The following SNX29 variants were observed in gnomAD, a reference collection of about 807,000 sequenced individuals.
SNX29 encodes sorting nexin 29.
In SNX29, 78 loss-of-function variants were observed where a neutral mutation model predicts 102.1. The ratio of observed to expected loss-of-function variants is 0.76; its 90% CI spans 0.64 to 0.92. The LOEUF is 0.92. SNX29 is among the 40% of genes least tolerant of loss of function. SNX29 has a pLI of 0.00. For missense variants in SNX29, 1,280 were observed against 1,061.7 expected (o/e 1.21, Z -2.86); for synonymous variants, 580 against 414.5 (o/e 1.40, Z -4.85).
chr16:12,233,068 C>T (rs1354961412), intron 14 of SNX29, among the ~76,000 whole-genome samples: 4 of 152,236 alleles, frequency 2.6e-5, no homozygotes, highest in Middle Eastern at 3.4e-3. Context: ...GCTGGAAATG[C>T]CTTCCTCTTT....
chr16:12,036,373 T>C (rs1441655595), intron 4 of SNX29, among the ~76,000 whole-genome samples: 10 of 148,754 alleles, frequency 6.7e-5, no homozygotes, highest in Admixed American at 6.1e-4. Flanking sequence ...CTTGCTCTGT[T>C]GCCCAGGCTG....
intron 13 of SNX29, among the ~76,000 whole-genome samples, chr16:12,159,720 A>G (rs1251033747): frequency 6.6e-6 from 1 of 152,194 alleles, no homozygotes; most frequent in East Asian, 1.9e-4. Flanking sequence ...ATTTAGAAAT[A>G]AAAATATAAA....
At chr16:12,250,535 T>G (rs2078390931) in intron 14 of SNX29, among the ~76,000 whole-genome samples, 1 of 152,220 alleles carries the variant, frequency 6.6e-6, no homozygotes, top group South Asian at 2.1e-4. Context: ...CTTACCCACT[T>G]ACCTCTCACT....
At chr16:12,362,876 C>T (rs1313667685) in intron 16 of SNX29, among the ~76,000 whole-genome samples, 1 of 152,098 alleles carries the variant, frequency 6.6e-6, no homozygotes, top group Non-Finnish European at 1.5e-5. Context: ...TCTTTCTGCT[C>T]CCTTTGGGTT....
At chr16:12,138,483 T>C (rs537733214) in intron 13 of SNX29, among the ~76,000 whole-genome samples, 3 of 152,202 alleles carry the variant, frequency 2.0e-5, no homozygotes, top group South Asian at 4.1e-4. Flanking sequence ...GCTGGGCTTA[T>C]AGGCGTGAGC....
chr16:12,566,423 G>A (rs1473364761), intron 20 of SNX29, among the ~76,000 whole-genome samples: 1 of 41,260 alleles, frequency 2.4e-5, no homozygotes, highest in South Asian at 5.3e-4. Context: ...TACCTCCAGG[G>A]CCTCTCCCCC....
chr16:12,462,043 A>T (rs1175050807), intron 18 of SNX29, among the ~76,000 whole-genome samples: 4 of 126,650 alleles, frequency 3.2e-5, no homozygotes, highest in Admixed American at 8.5e-5. Context: ...ACACACACAC[A>T]CTCTTATATA....
chr16:12,065,983 C>T (rs1453374066), intron 9 of SNX29, among the ~76,000 whole-genome samples: 1 of 152,192 alleles, frequency 6.6e-6, no homozygotes, highest in Admixed American at 6.6e-5. Flanking sequence ...ACGGTCTATG[C>T]TGTGTGCACC....
In SNX29 at chr16:12,190,159, A is replaced by C. The variant is rs965267920; in HGVS notation, c.1596-9442A>C. Among the ~76,000 whole-genome samples the C allele has an allele frequency of 2.6e-5, 4 of 152,048 alleles. No individual in the cohort carries two copies. In the East Asian group the frequency reaches 7.7e-4, roughly 29 times the overall value. On this transcript the variant is annotated intron_variant, in intron 13 of 20. Transcript: ENST00000566228. Reference sequence around the variant, plus strand: ...CTCCTCTGCTCTCTTCATTATAGAGATCCTCCATCCTCTGACCACATCTGG... The same window carrying C: ...CTCCTCTGCTCTCTTCATTATAGAGCTCCTCCATCCTCTGACCACATCTGG...
chr16:12,455,620 A>G (rs1266595587), intron 18 of SNX29, among the ~76,000 whole-genome samples: 2 of 152,162 alleles, frequency 1.3e-5, no homozygotes, highest in Non-Finnish European at 2.9e-5. Flanking sequence ...TTTCGCTGCT[A>G]TGAGTGTCGG....
intron 20 of SNX29, among the ~76,000 whole-genome samples, chr16:12,547,521 GAA>G (rs1249900071): frequency 6.6e-6 from 1 of 152,098 alleles, no homozygotes; most frequent in African/African-American, 2.4e-5. Context: ...GGGTGTGAGA[GAA>G]AGAGGAACTG....
At chr16:12,562,297 G>C (rs1237243805) in intron 20 of SNX29, among the ~76,000 whole-genome samples, 3 of 152,164 alleles carry the variant, frequency 2.0e-5, no homozygotes, top group Admixed American at 6.5e-5. Context: ...AGCATCAAAC[G>C]TTATCGTTGG....
At chr16:12,153,971 G>A (rs11643074) in intron 13 of SNX29, among the ~76,000 whole-genome samples, 33,785 of 152,122 alleles carry the variant, frequency 0.22, 3,916 homozygotes, top group East Asian at 0.44. Flanking sequence ...GTGTCCTCCC[G>A]CTTTGAAAGT....
At chr16:12,046,964 A>G (rs1260672096) in intron 6 of SNX29, among the ~76,000 whole-genome samples, 1 of 152,154 alleles carries the variant, frequency 6.6e-6, no homozygotes, top group Non-Finnish European at 1.5e-5. Flanking sequence ...CTGGCAGAGA[A>G]AGTGAAGATT....
At chr16:12,274,433 CT>C (rs1366225463) in intron 14 of SNX29, among the ~76,000 whole-genome samples, 1 of 152,144 alleles carries the variant, frequency 6.6e-6, no homozygotes, top group Non-Finnish European at 1.5e-5. Flanking sequence ...CCCCTCGTGT[CT>C]GTTGGCTCTG....
chr16:12,398,221 A>G (rs1365496224), intron 16 of SNX29, among the ~76,000 whole-genome samples: 1 of 152,202 alleles, frequency 6.6e-6, no homozygotes, highest in African/African-American at 2.4e-5. Context: ...CCTTGGCCAT[A>G]AAGATAATTG....
At chr16:12,226,579 T>TTG (rs1345236438) in intron 14 of SNX29, among the ~76,000 whole-genome samples, 1 of 150,254 alleles carries the variant, frequency 6.7e-6, no homozygotes, top group Non-Finnish European at 1.5e-5. Flanking sequence ...GCCTTCTTTT[T>TTG]TTTTTTTTTT....
intron 4 of SNX29, among the ~76,000 whole-genome samples, chr16:12,037,870 G>A (rs939675778): frequency 6.6e-6 from 1 of 152,096 alleles, no homozygotes; most frequent in Non-Finnish European, 1.5e-5. Flanking sequence ...TGGGAAGATC[G>A]CTTGAGCCCA....
At chr16:12,337,839 A>G (rs2081498358) in intron 15 of SNX29, among the ~76,000 whole-genome samples, 1 of 152,146 alleles carries the variant, frequency 6.6e-6, no homozygotes, top group South Asian at 2.1e-4. Context: ...CAAGTCTGGG[A>G]CAGTCCTCTT....
Sources: gnomAD v4.1 joint callset for allele counts (sites outside exome capture counted in the v4.1 genomes callset) on GRCh38, gnomAD v4.1.1 for gene constraint, MANE v1.5 for transcripts, NCBI Gene and HGNC (gene_info 2026-07-23, HGNC 2026-07-21) for gene names.